DAPK1: variants seen among roughly 807,000 people sequenced by gnomAD.
DAPK1 encodes death-associated protein kinase 1.
A neutral mutation model predicts 144.9 loss-of-function variants in DAPK1; 56 were observed. That is an observed-to-expected ratio of 0.39 (90% confidence interval 0.31 to 0.48). The LOEUF is 0.48. DAPK1 is among the 20% of genes least tolerant of loss of function. DAPK1 has a pLI of 0.95. For missense variants in DAPK1, 1,454 were observed against 1,875.4 expected, an observed-to-expected ratio of 0.78 and a Z score of 4.15; for synonymous variants, 690 against 749.0, an observed-to-expected ratio of 0.92 and a Z score of 1.29.
At chr9:87,576,372 A>C (rs1330300662) in intron 2 of DAPK1, among the ~76,000 whole-genome samples, 1 of 152,194 alleles carries the variant, frequency 6.6e-6, no homozygotes, top group Admixed American at 6.5e-5. Flanking sequence ...TTGTACTGTC[A>C]TCTAAATCAT....
chr9:87,524,929 T>TGG (rs1825434009), intron 2 of DAPK1, among the ~76,000 whole-genome samples: 1 of 152,104 alleles, frequency 6.6e-6, no homozygotes, highest in Non-Finnish European at 1.5e-5. Flanking sequence ...AGACTACAAA[T>TGG]GGGGTGCATT....
intron 2 of DAPK1, among the ~76,000 whole-genome samples, chr9:87,546,985 C>T (rs908663988): frequency 3.9e-5 from 6 of 152,058 alleles, no homozygotes; most frequent in Non-Finnish European, 5.9e-5. Flanking sequence ...GGCAAAACCC[C>T]GTCTCTACAA....
chr9:87,536,190 G>A (rs1378121922), intron 2 of DAPK1, among the ~76,000 whole-genome samples: 2 of 152,160 alleles, frequency 1.3e-5, no homozygotes, highest in Non-Finnish European at 2.9e-5. Context: ...TACAGCCTCT[G>A]GGTTAAGGAC....
intron 1 of DAPK1, 187 bp from the exon 2 acceptor site, chr9:87,498,782 CG>C (rs2117960127): frequency 2.3e-6 from 1 of 436,746 alleles, no homozygotes; most frequent in East Asian, 3.2e-5. Flanking sequence ...CACGCGCGCG[CG>C]GGGCTGAGGG....
chr9:87,534,257 T>TG (rs372165216), intron 2 of DAPK1, among the ~76,000 whole-genome samples: 4 of 34,946 alleles, frequency 1.1e-4, no homozygotes, highest in African/African-American at 5.1e-4. Flanking sequence ...TTTTTTTTTT[T>TG]GTTTTTTTTT....
chr9:87,549,136 T>C (rs918382259), intron 2 of DAPK1, among the ~76,000 whole-genome samples: 3 of 152,058 alleles, frequency 2.0e-5, no homozygotes, highest in Non-Finnish European at 4.4e-5. Flanking sequence ...TTTCCCTCCC[T>C]GTGTCCGTGT....
rs1564064531 is a variant in DAPK1 at position 87,675,892 on chromosome 9, CA to C, written c.2002-5511del. Among the ~76,000 whole-genome samples the C allele has an allele frequency of 4.7e-4, 70 of 149,280 alleles. 1 individual carries two copies. The highest frequency in any genetic ancestry group is 1.7e-3 in the South Asian group (8 of 4,758). On this transcript the variant is annotated intron_variant, in intron 19 of 25. Coordinates refer to ENST00000408954, the MANE Select transcript of DAPK1 (RefSeq NM_004938.4). ...ACACACACACACACACACACACACA[CA>C]CACCCTTATGACCACCTGGAAGGTT...
intron 2 of DAPK1, among the ~76,000 whole-genome samples, chr9:87,600,917 C>G (rs1474699542): frequency 1.3e-5 from 2 of 152,216 alleles, no homozygotes; most frequent in African/African-American, 2.4e-5. Flanking sequence ...GCTTTGCTCC[C>G]TGGTCTGTCT....
intron 2 of DAPK1, among the ~76,000 whole-genome samples, chr9:87,582,995 G>A (rs187148706): frequency 2.0e-5 from 3 of 152,234 alleles, no homozygotes; most frequent in Admixed American, 2.0e-4. Context: ...CTTTTGTCAA[G>A]AAGCGGTTGA....
At chr9:87,525,256 TGA>T (rs1306072179) in intron 2 of DAPK1, 1 of 1,433,350 alleles carries the variant, frequency 7.0e-7, no homozygotes, top group Non-Finnish European at 9.8e-7. Flanking sequence ...AAAAATGCGT[TGA>T]ATAGAGCTTC....
intron 21 of DAPK1, among the ~76,000 whole-genome samples, chr9:87,688,243 C>T (rs1034205762): frequency 1.3e-5 from 2 of 152,178 alleles, no homozygotes; most frequent in Non-Finnish European, 2.9e-5. Context: ...CCTCCAGCTC[C>T]ATTCATGTTG....
chr9:87,644,864 C>T (rs1022164801), intron 11 of DAPK1, among the ~76,000 whole-genome samples: 3 of 152,144 alleles, frequency 2.0e-5, no homozygotes, highest in African/African-American at 7.2e-5. Flanking sequence ...TAACAATCTG[C>T]TTTATTCCTT....
Position 87,658,059 on chromosome 9 carries a change from A to G in DAPK1, c.1855A>G (p.Asn619Asp), listed in dbSNP as rs749530924. ...GCGAACGCCTCTGCACCTTGCGGCC[A>G]ACAACGGAATCCTAGACGTGGTCCG... ...YGRTPLHLAA[N>D]NGILDVVRYL... Residue 619 changes from asparagine (N) to aspartate (D), a missense_variant, in exon 18 of 26, where the codon AAC becomes GAC. By Grantham distance (23) the Asn-to-Asp change is conservative (BLOSUM62 1). Transcript: ENST00000408954. 2 of 1,541,706 alleles carry G rather than the reference A, an allele frequency of 1.3e-6. No homozygotes were observed. The highest frequency in any genetic ancestry group is 1.8e-6 in the Non-Finnish European group (2 of 1,114,574).
At chr9:87,674,664 C>T (rs189302491) in intron 19 of DAPK1, among the ~76,000 whole-genome samples, 4 of 152,136 alleles carry the variant, frequency 2.6e-5, no homozygotes, top group Non-Finnish European at 4.4e-5. Context: ...ACTGCATTTG[C>T]GTAATTAAAA....
intron 12 of DAPK1, among the ~76,000 whole-genome samples, 155 bp downstream of exon 12, chr9:87,646,169 G>A (rs1830260075): frequency 6.6e-6 from 1 of 152,200 alleles, no homozygotes; most frequent in South Asian, 2.1e-4. Flanking sequence ...AGTGATTTGA[G>A]TTACAAATAA....
chr9:87,639,686 A>C lies in DAPK1; in HGVS notation c.590A>C (p.Glu197Ala), dbSNP rs769115839. 1.2e-6 allele frequency: 2 copies of C among 1,614,100 alleles called. No individual in the cohort carries two copies. The highest frequency in any genetic ancestry group is 2.2e-5 in the South Asian group (2 of 91,080). ...GTCAACTATGAACCTCTTGGTCTTG[A>C]GGCAGATATGTGGTAAGGAGTATGT... ...EIVNYEPLGL[E>A]ADMWSIGVIT... Residue 197 changes from glutamate to alanine, a missense_variant, in exon 6 of 26, where the codon GAG (glutamate) becomes GCG (alanine). Coordinates refer to ENST00000408954, the MANE Select transcript of DAPK1 (RefSeq NM_004938.4).
chr9:87,623,708 G>A (rs1297940746), intron 3 of DAPK1, among the ~76,000 whole-genome samples: 2 of 152,304 alleles, frequency 1.3e-5, no homozygotes, highest in East Asian at 3.9e-4. Context: ...CTGAGAGGAA[G>A]GGATTGTGCC....
At chr9:87,554,844 T>G (rs1333671534) in intron 2 of DAPK1, among the ~76,000 whole-genome samples, 4 of 152,210 alleles carry the variant, frequency 2.6e-5, no homozygotes, top group Non-Finnish European at 4.4e-5. Context: ...TGTCAGGGCT[T>G]CTGCCCTTGG....
At position 87,622,202 on chromosome 9, in the gene DAPK1, C is replaced by G. The variant is rs535055189; in HGVS notation, c.285-15741C>G. On this transcript the variant is annotated intron_variant, in intron 3 of 25. Coordinates refer to ENST00000408954, the MANE Select transcript of DAPK1 (RefSeq NM_004938.4). ...TCCATTTCTCTTTCCCATGCGCCCTCGCTCCCTATCCCCTGTGGAAACAAA... is the reference window on the plus strand; with the variant it reads ...TCCATTTCTCTTTCCCATGCGCCCTGGCTCCCTATCCCCTGTGGAAACAAA... Among the ~76,000 whole-genome samples the G allele has an allele frequency of 1.7e-4, 26 of 152,128 alleles. No individual in the cohort carries two copies. In the South Asian group the frequency reaches 5.0e-3, roughly 29 times the overall value.
Sources: allele counts gnomAD v4.1 joint callset (sites outside exome capture counted in the v4.1 genomes callset), GRCh38; gene constraint gnomAD v4.1.1; transcripts MANE v1.5; gene names NCBI Gene and HGNC (gene_info 2026-07-23, HGNC 2026-07-21).